Variants in MB21D2 observed in about 807,000 individuals in gnomAD.
MB21D2 encodes the protein nucleotidyltransferase MB21D2.
A neutral mutation model predicts 33.3 loss-of-function variants in MB21D2; 9 were observed. The ratio of observed to expected loss-of-function variants is 0.27; its 90% CI spans 0.16 to 0.47. The LOEUF (loss-of-function observed/expected upper bound fraction) is 0.47. MB21D2 is among the 20% of genes least tolerant of loss of function. The pLI is 0.99. For synonymous variants in MB21D2, 241 were observed against 236.3 expected (o/e 1.02, Z -0.18); for missense variants, 540 against 624.6 (o/e 0.86, Z 1.44).
chr3:192,827,009 A>G (rs537127501), intron 1 of MB21D2, among the ~76,000 whole-genome samples: 32 of 151,488 alleles, frequency 2.1e-4, no homozygotes, highest in South Asian at 1.5e-3. Context: ...CTCCTGCCTC[A>G]GCCTCCCAAG....
chr3:192,868,410 A>G (rs1231541053), intron 1 of MB21D2, among the ~76,000 whole-genome samples: 1 of 152,216 alleles, frequency 6.6e-6, no homozygotes, highest in Non-Finnish European at 1.5e-5. Context: ...AGAAACAAGG[A>G]CTAGTGACAT....
intron 1 of MB21D2, among the ~76,000 whole-genome samples, chr3:192,908,589 A>G (rs1714263296): frequency 6.8e-6 from 1 of 146,550 alleles, no homozygotes; most frequent in Non-Finnish European, 1.5e-5. Flanking sequence ...AATGTTTCGT[A>G]TTTTTTTTTT....
At chr3:192,804,426 T>TACACACAC (rs10552964) in intron 1 of MB21D2, among the ~76,000 whole-genome samples, 33 of 147,164 alleles carry the variant, frequency 2.2e-4, no homozygotes, top group African/African-American at 6.0e-4. Flanking sequence ...TTAAAACAGA[T>TACACACAC]ACACACACAC....
Position 192,798,506 on chromosome 3 carries a change from G to A in MB21D2, c.1356C>T (p.Asp452=). ...SDGGDPNQPD[D]RLAKKLQQLV... The stretch of plus-strand genomic sequence containing the variant: ...GCTGCTGCAGTTTTTTTGCCAAACG[G>A]TCATCAGGCTGGTTGGGGTCCCCTC... The change falls in exon 2 of 2, where the codon GAC becomes GAT. Residue 452 remains aspartate (D), a synonymous_variant. Transcript: ENST00000392452. The surrounding 1 kb of genome is among the most constrained non-coding windows in gnomAD (Gnocchi z 4.8). 6.2e-7 allele frequency: 1 copy of A among 1,614,154 alleles called. No individual in the cohort carries two copies. The highest frequency in any genetic ancestry group is 1.1e-5 in the South Asian group (1 of 91,076).
chr3:192,865,698 C>T (rs1196289350), intron 1 of MB21D2, among the ~76,000 whole-genome samples: 1 of 151,994 alleles, frequency 6.6e-6, no homozygotes, highest in African/African-American at 2.4e-5. Flanking sequence ...CCCAATCTTC[C>T]CCAACCCCCA....
At chr3:192,904,872 G>C (rs547986364) in intron 1 of MB21D2, among the ~76,000 whole-genome samples, 1 of 152,270 alleles carries the variant, frequency 6.6e-6, no homozygotes, top group Admixed American at 6.5e-5. Context: ...CTTCCTTACC[G>C]TCCAGTCCCT....
chr3:192,893,385 T>C (rs1713896720), intron 1 of MB21D2, among the ~76,000 whole-genome samples: 2 of 152,188 alleles, frequency 1.3e-5, no homozygotes, highest in Non-Finnish European at 2.9e-5. Context: ...AACACAGGTT[T>C]TGATATCAGT....
chr3:192,906,596 G>C (rs1317825697), intron 1 of MB21D2, among the ~76,000 whole-genome samples: 1 of 152,160 alleles, frequency 6.6e-6, no homozygotes, highest in Non-Finnish European at 1.5e-5. Flanking sequence ...TTCAGAGAAG[G>C]CTTCTCAATC....
At chr3:192,873,795 C>A (rs1713370892) in intron 1 of MB21D2, among the ~76,000 whole-genome samples, 1 of 152,160 alleles carries the variant, frequency 6.6e-6, no homozygotes, top group African/African-American at 2.4e-5. Flanking sequence ...CTCTGCCTCT[C>A]GGGTTCAAGC....
At chr3:192,810,004 A>G (rs1711751824) in intron 1 of MB21D2, among the ~76,000 whole-genome samples, 1 of 152,218 alleles carries the variant, frequency 6.6e-6, no homozygotes. Context: ...TGAAGGTCAT[A>G]TCCCCTAAGT....
intron 1 of MB21D2, among the ~76,000 whole-genome samples, chr3:192,890,978 T>G (rs140683308): frequency 2.3e-4 from 35 of 152,078 alleles, no homozygotes; most frequent in Admixed American, 1.9e-3. Flanking sequence ...CAGTCTAGAG[T>G]TGTATTTTTA....
At chr3:192,828,126 C>A (rs1712217445) in intron 1 of MB21D2, among the ~76,000 whole-genome samples, 1 of 152,044 alleles carries the variant, frequency 6.6e-6, no homozygotes, top group African/African-American at 2.4e-5. Context: ...GTCCATTAAA[C>A]CTCTTTTTTC....
chr3:192,811,609 T>G (rs919717564), intron 1 of MB21D2, among the ~76,000 whole-genome samples: 19 of 152,184 alleles, frequency 1.2e-4, no homozygotes, highest in Admixed American at 6.5e-4. Flanking sequence ...TTCTGTGCAT[T>G]TACAGCTAGC....
chr3:192,845,069 A>G (rs1198585179), intron 1 of MB21D2, among the ~76,000 whole-genome samples: 1 of 152,268 alleles, frequency 6.6e-6, no homozygotes, highest in African/African-American at 2.4e-5. Context: ...TGCTAAGTAC[A>G]TTTGATTCAA....
rs533174504 is a variant in MB21D2 at position 192,884,646 on chromosome 3, C to G, written c.211+32984G>C. 4.6e-5 allele frequency among the ~76,000 whole-genome samples: 7 copies of G among 152,108 alleles called. No homozygotes were observed. In the South Asian group the frequency reaches 1.0e-3, roughly 23 times the overall value. Reference sequence around the variant, plus strand: ...CCTCCCAAAGTGCTGGCATTACAGGCGTGAGCCATCGCACCCGGCCAGAGG... The same window carrying G: ...CCTCCCAAAGTGCTGGCATTACAGGGGTGAGCCATCGCACCCGGCCAGAGG... On this transcript the variant is annotated intron_variant, in intron 1 of 1. Coordinates refer to ENST00000392452, the MANE Select transcript of MB21D2 (RefSeq NM_178496.4).
chr3:192,843,894 G>A (rs528517723), intron 1 of MB21D2, among the ~76,000 whole-genome samples: 1 of 152,206 alleles, frequency 6.6e-6, no homozygotes, highest in African/African-American at 2.4e-5. Context: ...TGCACGATCA[G>A]ACAAGGAGCC....
chr3:192,848,501 A>T (rs1022068150), intron 1 of MB21D2, among the ~76,000 whole-genome samples: 3 of 152,260 alleles, frequency 2.0e-5, no homozygotes, highest in Admixed American at 6.5e-5. Context: ...CCACCCATTC[A>T]TATGGGAGAT....
intron 1 of MB21D2, among the ~76,000 whole-genome samples, chr3:192,911,810 T>A (rs149863880): frequency 6.6e-6 from 1 of 152,210 alleles, no homozygotes; most frequent in East Asian, 1.9e-4. Context: ...AAATGAATGT[T>A]TGGAGAGATC....
intron 1 of MB21D2, among the ~76,000 whole-genome samples, chr3:192,866,528 G>T (rs1016390171): frequency 6.6e-6 from 1 of 152,146 alleles, no homozygotes; most frequent in Non-Finnish European, 1.5e-5. Context: ...ACCTGATTTA[G>T]AATGTTAAAG....
Sources: gnomAD v4.1 joint callset for allele counts (sites outside exome capture counted in the v4.1 genomes callset) on GRCh38, gnomAD v4.1.1 for gene constraint, Gnocchi (gnomAD v3.1) non-coding constraint, MANE v1.5 for transcripts, NCBI Gene and HGNC (gene_info 2026-07-23, HGNC 2026-07-21) for gene names.